Variants in GRM7 observed in about 807,000 individuals in gnomAD.
The protein encoded by GRM7 is glutamate metabotropic receptor 7, also known as metabotropic glutamate receptor 7.
GRM7 carries 35 observed loss-of-function variants against 84.5 expected under a neutral mutation model. The observed-to-expected ratio is 0.41, with a 90% CI of 0.32 to 0.55. The LOEUF (loss-of-function observed/expected upper bound fraction) is 0.55, where lower values mean the gene tolerates loss of function less well. GRM7 is among the 20% of genes least tolerant of loss of function. The pLI is 0.19. For synonymous variants in GRM7, 487 were observed against 455.1 expected, an observed-to-expected ratio of 1.07 and a Z score of -0.89; for missense variants, 1,003 against 1,194.6, an observed-to-expected ratio of 0.84 and a Z score of 2.36.
chr3:7,096,820 G>A (rs1214919611), intron 1 of GRM7, among the ~76,000 whole-genome samples: 1 of 152,162 alleles, frequency 6.6e-6, no homozygotes, highest in African/African-American at 2.4e-5. Context: ...GGAAATTCCA[G>A]TGGTTTTTGA....
intron 8 of GRM7, among the ~76,000 whole-genome samples, chr3:7,616,650 T>C (rs948647047): frequency 1.4e-4 from 22 of 152,180 alleles, no homozygotes; most frequent in African/African-American, 4.8e-5. Flanking sequence ...CAAATATGTA[T>C]AGCTGATCTT....
intron 1 of GRM7, among the ~76,000 whole-genome samples, chr3:6,912,158 A>T (rs996656328): frequency 6.6e-6 from 1 of 152,154 alleles, no homozygotes; most frequent in Non-Finnish European, 1.5e-5. Flanking sequence ...ACATTAATTG[A>T]TATCAAGTAA....
At chr3:7,689,494 CT>C (rs758604455) in intron 9 of GRM7, among the ~76,000 whole-genome samples, 3 of 152,136 alleles carry the variant, frequency 2.0e-5, no homozygotes, top group Non-Finnish European at 2.9e-5. Flanking sequence ...AGCTATAAAT[CT>C]TTTTGGCATA....
chr3:7,526,508 T>C (rs1332047606), intron 7 of GRM7, among the ~76,000 whole-genome samples: 4 of 152,048 alleles, frequency 2.6e-5, no homozygotes, highest in Non-Finnish European at 4.4e-5. Flanking sequence ...TGGTTTCTTT[T>C]GCTGTGCAAA....
intron 4 of GRM7, among the ~76,000 whole-genome samples, chr3:7,338,997 T>C (rs1701533111): frequency 6.6e-6 from 1 of 151,752 alleles, no homozygotes; most frequent in South Asian, 2.1e-4. Flanking sequence ...CCTTTTCATA[T>C]CTGTGTCTTT....
intron 6 of GRM7, 84 bp downstream of exon 6, chr3:7,452,891 C>G: frequency 3.7e-6 from 3 of 818,428 alleles, no homozygotes; most frequent in Non-Finnish European, 5.9e-6. Flanking sequence ...TTATTATTTA[C>G]TTTAAAATAT....
chr3:7,322,729 A>T (rs1700833796), intron 4 of GRM7, among the ~76,000 whole-genome samples: 1 of 152,058 alleles, frequency 6.6e-6, no homozygotes, highest in South Asian at 2.1e-4. Context: ...TGACGATGCC[A>T]TTATTTCATT....
At chr3:7,169,300 C>T (rs930647663) in intron 2 of GRM7, among the ~76,000 whole-genome samples, 2 of 152,032 alleles carry the variant, frequency 1.3e-5, no homozygotes, top group Admixed American at 6.6e-5. Context: ...TGTAGAAATA[C>T]CATTTGTCCC....
In GRM7 at chr3:6,997,070, T is replaced by C. The variant is rs118029652; in HGVS notation, c.519+135163T>C. ...AATCTTAGAATCCTGTATTTATTTT[T>C]TCTCTCTGTGAGAGAAGATAAACAT... On this transcript the variant is annotated intron_variant, in intron 1 of 9. Coordinates refer to ENST00000357716, the MANE Select transcript of GRM7 (RefSeq NM_000844.4). Among the ~76,000 whole-genome samples the C allele has an allele frequency of 2.7e-3, 412 of 152,342 alleles. 11 individuals are homozygous for C. The East Asian group carries it at 0.071, about 26-fold the overall frequency.
intron 9 of GRM7, among the ~76,000 whole-genome samples, chr3:7,728,538 G>T (rs776494989): frequency 5.3e-5 from 8 of 152,108 alleles, no homozygotes; most frequent in African/African-American, 1.7e-4. Flanking sequence ...TTTGGGTATG[G>T]AAAGTTACTT....
chr3:7,306,032 TAATA>T (rs1700183747), intron 3 of GRM7, among the ~76,000 whole-genome samples: 1 of 152,228 alleles, frequency 6.6e-6, no homozygotes, highest in South Asian at 2.1e-4. Flanking sequence ...CTGTTTATTT[TAATA>T]AATAATTAAC....
Position 7,452,756 on chromosome 3 carries a change from C to A in GRM7, c.1324C>A (p.Gln442Lys). The change falls in exon 6 of 10, where the codon CAA (glutamine) becomes AAA (lysine). Residue 442 changes from glutamine to lysine, a missense_variant. By Grantham distance (53) the Gln-to-Lys change is moderately conservative. Coordinates refer to ENST00000357716, the MANE Select transcript of GRM7 (RefSeq NM_000844.4). ...CCGGGGTGTCTGCCCAGAGATGGAG[C>A]AAGCTGGAGGCAAGAAGTTGCTGAA... ...DYRGVCPEME[Q>K]AGGKKLLKYI... is the part of the protein sequence containing the mutation. 6.2e-7 allele frequency: 1 copy of A among 1,613,358 alleles called. No homozygotes were observed. Among genetic ancestry groups the A allele is most frequent in the Non-Finnish European group, 8.5e-7 (1 of 1,179,514 alleles).
chr3:7,496,054 T>A (rs1198820987), intron 7 of GRM7, among the ~76,000 whole-genome samples: 1 of 152,200 alleles, frequency 6.6e-6, no homozygotes, highest in Non-Finnish European at 1.5e-5. Flanking sequence ...ATGAAACTCA[T>A]CCTGCGTCCC....
intron 1 of GRM7, among the ~76,000 whole-genome samples, chr3:7,132,109 C>T (rs961112017): frequency 2.0e-5 from 3 of 152,200 alleles, no homozygotes; most frequent in African/African-American, 7.2e-5. Context: ...CATACGTTTC[C>T]TAAACTTCCA....
chr3:6,872,415 T>C (rs1179774331), intron 1 of GRM7, among the ~76,000 whole-genome samples: 2 of 152,168 alleles, frequency 1.3e-5, no homozygotes, highest in Non-Finnish European at 2.9e-5. Context: ...CTCTCTTTCA[T>C]GGATTATTTC....
At chr3:7,004,869 C>T (rs1253238927) in intron 1 of GRM7, among the ~76,000 whole-genome samples, 2 of 152,126 alleles carry the variant, frequency 1.3e-5, no homozygotes, top group African/African-American at 4.8e-5. Flanking sequence ...GCACATCCGA[C>T]AAATCTCTCT....
intron 8 of GRM7, among the ~76,000 whole-genome samples, chr3:7,670,542 C>G (rs1699875789): frequency 6.6e-6 from 1 of 152,158 alleles, no homozygotes; most frequent in Non-Finnish European, 1.5e-5. Context: ...TGAATAGGCC[C>G]AAGAAATGCT....
rs150699531 is a variant in GRM7 at position 7,671,492 on chromosome 3, G to A, written c.2452-8557G>A. Among the ~76,000 whole-genome samples the A allele has an allele frequency of 2.7e-4, 41 of 151,816 alleles. No homozygotes were observed. The East Asian group carries it at 5.4e-3, about 20-fold the overall frequency. On this transcript the variant is annotated intron_variant, in intron 8 of 9. Coordinates refer to ENST00000357716, the MANE Select transcript of GRM7 (RefSeq NM_000844.4). Reference sequence around the variant, plus strand: ...CATTCACCTGGAGCGCTCGCCTTACGTCTATCCAAATAAAGAATGCAGTTG... The same window carrying A: ...CATTCACCTGGAGCGCTCGCCTTACATCTATCCAAATAAAGAATGCAGTTG...
chr3:6,961,266 A>G (rs2125082185), intron 1 of GRM7, among the ~76,000 whole-genome samples: 1 of 152,280 alleles, frequency 6.6e-6, no homozygotes, highest in South Asian at 2.1e-4. Context: ...TACCAGTCTG[A>G]CAATTTGCAG....
Sources: gnomAD v4.1 joint callset for allele counts (sites outside exome capture counted in the v4.1 genomes callset) on GRCh38, gnomAD v4.1.1 for gene constraint, MANE v1.5 for transcripts, NCBI Gene and HGNC (gene_info 2026-07-23, HGNC 2026-07-21) for gene names.